The following CACNG2 variants were observed in gnomAD, a reference collection of about 807,000 sequenced individuals.
CACNG2 encodes calcium voltage-gated channel auxiliary subunit gamma 2.
A neutral mutation model predicts 25.9 loss-of-function variants in CACNG2; 3 were observed. The observed-to-expected ratio is 0.12, with a 90% CI of 0.05 to 0.30. CACNG2 has a LOEUF of 0.30. Ranked by LOEUF, CACNG2 falls within the 10% of genes least tolerant of loss-of-function variation. CACNG2 has a pLI of 1.00. For missense variants in CACNG2, 341 were observed against 432.5 expected, an observed-to-expected ratio of 0.79 and a Z score of 1.88; for synonymous variants, 167 against 173.3, an observed-to-expected ratio of 0.96 and a Z score of 0.29.
At chr22:36,566,594 A>G in intron 2 of CACNG2, 101 bp from the exon 3 acceptor site, 1 of 1,263,930 alleles carries the variant, frequency 7.9e-7, no homozygotes, top group Non-Finnish European at 1.1e-6. Context: ...CTGGGGGTTT[A>G]TGGACACAGC....
At chr22:36,586,403 T>A (rs1000820092) in intron 2 of CACNG2, among the ~76,000 whole-genome samples, 2 of 152,216 alleles carry the variant, frequency 1.3e-5, no homozygotes, top group African/African-American at 4.8e-5. Context: ...TATGATATTT[T>A]TTCCTTTAAA....
In CACNG2 at chr22:36,680,326, A is replaced by G. The variant is rs564084472; in HGVS notation, c.211+22040T>C. Among the ~76,000 whole-genome samples the G allele has an allele frequency of 3.3e-5, 5 of 151,404 alleles. No homozygotes were observed. The South Asian group carries it at 1.0e-3, about 32-fold the overall frequency. ...TGCCACCTGCATCATGGCTATAATT[A>G]CCACCGCCATCACCATCATCACTAC... On this transcript the variant is annotated intron_variant, in intron 1 of 3. Transcript: ENST00000300105.
chr22:36,667,235 G>C (rs909451917), intron 1 of CACNG2, among the ~76,000 whole-genome samples: 1 of 152,182 alleles, frequency 6.6e-6, no homozygotes, highest in Admixed American at 6.5e-5. Context: ...TTACAGGCAT[G>C]AGCAGCTGCG....
At chr22:36,631,245 G>T (rs915417404) in intron 1 of CACNG2, among the ~76,000 whole-genome samples, 1 of 152,170 alleles carries the variant, frequency 6.6e-6, no homozygotes, top group Non-Finnish European at 1.5e-5. Context: ...GTTCACAGAT[G>T]GTGTTTTCAT....
intron 2 of CACNG2, among the ~76,000 whole-genome samples, chr22:36,578,047 G>T (rs1055630163): frequency 3.9e-5 from 6 of 152,062 alleles, no homozygotes; most frequent in Admixed American, 3.3e-4. Context: ...AAAATGGGAG[G>T]GTGGGGCTGG....
intron 1 of CACNG2, among the ~76,000 whole-genome samples, chr22:36,661,143 GC>G (rs1389565972): frequency 1.3e-5 from 2 of 152,158 alleles, no homozygotes; most frequent in Non-Finnish European, 1.5e-5. Flanking sequence ...TTGAGAGCAG[GC>G]TTGGATTCAG....
At chr22:36,591,039 T>C (rs886316609) in intron 1 of CACNG2, among the ~76,000 whole-genome samples, 8 of 150,382 alleles carry the variant, frequency 5.3e-5, no homozygotes, top group African/African-American at 2.0e-4. Flanking sequence ...TGGGGGGAGA[T>C]ATATTTTTTT....
In CACNG2 at chr22:36,564,272, G is replaced by A; in HGVS notation, c.*79C>T. ...TGCTTTTGGAAGGTCTCCCAGCGGA[G>A]GGTCTGGGTCTCCCCGCCCCGCCCC... On this transcript the variant is annotated 3_prime_UTR_variant, in exon 4 of 4. Transcript: ENST00000300105. This position sits in a 1 kb window ranked among gnomAD's most constrained non-coding sequence, Gnocchi z 6.7. 1 of 1,308,348 alleles carries A rather than the reference G, an allele frequency of 7.6e-7. No individual in the cohort carries two copies. Among genetic ancestry groups the A allele is most frequent in the East Asian group, 2.5e-5 (1 of 39,568 alleles). 81.0% of individuals were successfully genotyped at this position (1,308,348 alleles called of 1,614,324 possible).
intron 1 of CACNG2, among the ~76,000 whole-genome samples, chr22:36,700,543 G>C (rs1313018709): frequency 6.6e-6 from 1 of 152,156 alleles, no homozygotes; most frequent in Non-Finnish European, 1.5e-5. Context: ...AAAGCAAATT[G>C]CCACTATGAT....
rs1935098775 is a variant in CACNG2, at chr22:36,564,807, A to G, written c.516T>C (p.Asn172=). The change falls in exon 4 of 4, where the codon AAT becomes AAC. Residue 172 remains asparagine (N), a synonymous_variant. Transcript: ENST00000300105. This position sits in a 1 kb window ranked among gnomAD's most constrained non-coding sequence, Gnocchi z 6.7. The part of the protein sequence containing the change: ...GDPSKSDSKK[N]SYSYGWSFYF... ...AGAAGGACCAGCCGTATGAGTAACT[A>G]TTCTTTTTGGAGTCGCTCTTGGAGG... is the stretch of plus-strand genomic sequence containing the variant. 6.2e-7 allele frequency: 1 copy of G among 1,614,036 alleles called. No homozygotes were observed.
chr22:36,701,334 C>A (rs1281724096), intron 1 of CACNG2, among the ~76,000 whole-genome samples: 1 of 152,120 alleles, frequency 6.6e-6, no homozygotes, highest in Non-Finnish European at 1.5e-5. Flanking sequence ...TTGCCAAATG[C>A]AGGTTGGATG....
intron 1 of CACNG2, among the ~76,000 whole-genome samples, chr22:36,595,646 C>T (rs376443843): frequency 6.6e-6 from 1 of 152,096 alleles, no homozygotes; most frequent in Admixed American, 6.5e-5. Context: ...GAGTGGAGTG[C>T]AGGGGTCTCA....
chr22:36,661,226 T>A (rs570001123), intron 1 of CACNG2, among the ~76,000 whole-genome samples: 2 of 152,338 alleles, frequency 1.3e-5, no homozygotes, highest in Non-Finnish European at 2.9e-5. Flanking sequence ...TCGGAGGCAG[T>A]ACCCGATGGG....
At chr22:36,661,153 A>G (rs190349392) in intron 1 of CACNG2, among the ~76,000 whole-genome samples, 1 of 152,208 alleles carries the variant, frequency 6.6e-6, no homozygotes, top group Admixed American at 6.5e-5. Context: ...GCTTGGATTC[A>G]GTCTCCTATC....
chr22:36,682,176 G>A (rs1048533811), intron 1 of CACNG2, among the ~76,000 whole-genome samples: 2 of 152,222 alleles, frequency 1.3e-5, no homozygotes, highest in Admixed American at 1.3e-4. Flanking sequence ...GAGACTTGGG[G>A]GAGAAGACGC....
intron 1 of CACNG2, among the ~76,000 whole-genome samples, chr22:36,633,249 C>G (rs1936303459): frequency 6.6e-6 from 1 of 152,214 alleles, no homozygotes; most frequent in Admixed American, 6.5e-5. Flanking sequence ...AATGCCAGCT[C>G]CATATCTTCA....
At chr22:36,642,054 G>A (rs149232870) in intron 1 of CACNG2, among the ~76,000 whole-genome samples, 98 of 152,276 alleles carry the variant, frequency 6.4e-4, no homozygotes, top group Middle Eastern at 3.4e-3. Context: ...CCTGCTGAGA[G>A]AGAGAAGAGG....
At chr22:36,667,089 A>C (rs1348873242) in intron 1 of CACNG2, among the ~76,000 whole-genome samples, 1 of 151,310 alleles carries the variant, frequency 6.6e-6, no homozygotes, top group Non-Finnish European at 1.5e-5. Flanking sequence ...TCCAGGGTTC[A>C]AGCAATTCTC....
chr22:36,655,714 T>C (rs1936692560), intron 1 of CACNG2, among the ~76,000 whole-genome samples: 1 of 133,388 alleles, frequency 7.5e-6, no homozygotes, highest in African/African-American at 4.1e-5. Flanking sequence ...TTTCTCTTTC[T>C]CTTTCTTTCT....
Sources: allele counts gnomAD v4.1 joint callset (sites outside exome capture counted in the v4.1 genomes callset), GRCh38; gene constraint gnomAD v4.1.1; non-coding constraint Gnocchi (gnomAD v3.1); transcripts MANE v1.5; gene names NCBI Gene and HGNC (gene_info 2026-07-23, HGNC 2026-07-21).